DCSTAMP: variants seen among roughly 807,000 people sequenced by gnomAD.
DCSTAMP encodes dendritic cell-specific transmembrane protein.
Under a neutral mutation model 33.8 loss-of-function variants are expected in DCSTAMP, and 25 were observed. That is an observed-to-expected ratio of 0.74 (90% CI 0.54 to 1.03). DCSTAMP has a LOEUF of 1.03. Ranked by LOEUF, DCSTAMP falls within the 50% of genes least tolerant of loss-of-function variation. DCSTAMP has a pLI of 0.00. For synonymous variants in DCSTAMP, 245 were observed against 216.7 expected (o/e 1.13, Z -1.15); for missense variants, 531 against 556.8 (o/e 0.95, Z 0.47).
chr8:104,343,495 G>A (rs2099383314), intron 1 of DCSTAMP, among the ~76,000 whole-genome samples: 1 of 152,170 alleles, frequency 6.6e-6, no homozygotes, highest in African/African-American at 2.4e-5. Context: ...TGTGTCTTCT[G>A]CCAATTTATT....
chr8:104,354,217 G>A (rs1810548301), intron 2 of DCSTAMP, among the ~76,000 whole-genome samples: 1 of 152,144 alleles, frequency 6.6e-6, no homozygotes, highest in Non-Finnish European at 1.5e-5. Flanking sequence ...AATAATGTGG[G>A]CTAGAGGGCC....
At position 104,348,858 on chromosome 8, in the gene DCSTAMP, C is replaced by T. The variant is rs1183877425; in HGVS notation, c.306C>T (p.Gly102=). The T allele has an allele frequency of 1.2e-6, 2 of 1,614,174 alleles. No individual in the cohort carries two copies. The highest frequency in any genetic ancestry group is 1.7e-6 in the Non-Finnish European group (2 of 1,180,032). Reference sequence around the variant, plus strand: ...GCAGGAATGCTTTGATTGCAGCTGGCACAGGGATCGTCATCTTGGGACACG... The same window carrying T: ...GCAGGAATGCTTTGATTGCAGCTGGTACAGGGATCGTCATCTTGGGACACG... ...REGRNALIAA[G]TGIVILGHVE... The change falls in exon 2 of 4, where the codon GGC becomes GGT. Residue 102 remains glycine, a synonymous_variant. Coordinates refer to ENST00000297581, the MANE Select transcript of DCSTAMP (RefSeq NM_030788.4).
chr8:104,345,779 A>T (rs1810298959), intron 1 of DCSTAMP, among the ~76,000 whole-genome samples: 2 of 152,222 alleles, frequency 1.3e-5, no homozygotes, highest in Admixed American at 1.3e-4. Flanking sequence ...ATTAGAAAAA[A>T]GTTAAACAGC....
At chr8:104,348,414 G>A in intron 1 of DCSTAMP, 127 bp from the exon 2 acceptor site, 1 of 876,860 alleles carries the variant, frequency 1.1e-6, no homozygotes, top group Non-Finnish European at 1.7e-6. Context: ...TATTTCAAGG[G>A]AGAGGACACA....
chr8:104,342,268 G>A (rs2099383029), intron 1 of DCSTAMP, among the ~76,000 whole-genome samples: 1 of 152,186 alleles, frequency 6.6e-6, no homozygotes, highest in South Asian at 2.1e-4. Flanking sequence ...AAGCCAGCCA[G>A]AGAGGAGAGA....
In DCSTAMP at chr8:104,340,500, C is replaced by T. The variant is rs1043774274; in HGVS notation, c.-13+638C>T. 19 of 152,358 alleles carry T rather than the reference C, an allele frequency of 1.2e-4. No individual in the cohort carries two copies. In the East Asian group the frequency reaches 1.7e-3, roughly 14 times the overall value. The allele number at this position is 152,358 out of a possible 1,614,324, so 9.4% of individuals were successfully genotyped here. Reference sequence around the variant, plus strand: ...GAGAAAAAAGGAAAAGGAAAAGAAACCCTCCATTCTTCTTTTGTTCCACTC... The same window carrying T: ...GAGAAAAAAGGAAAAGGAAAAGAAATCCTCCATTCTTCTTTTGTTCCACTC... On this transcript the variant is annotated intron_variant, in intron 1 of 3. Coordinates refer to ENST00000297581, the MANE Select transcript of DCSTAMP (RefSeq NM_030788.4).
At chr8:104,347,275 T>A (rs2140471114) in intron 1 of DCSTAMP, among the ~76,000 whole-genome samples, 1 of 152,296 alleles carries the variant, frequency 6.6e-6, no homozygotes, top group South Asian at 2.1e-4. Flanking sequence ...TTTGTAAGAT[T>A]CTCAGGAGGA....
In DCSTAMP at chr8:104,355,166, T is replaced by C. The variant is rs769277225; in HGVS notation, c.1319T>C (p.Leu440Pro). The C allele has an allele frequency of 6.6e-5, 106 of 1,613,474 alleles. No individual in the cohort carries two copies. Among genetic ancestry groups the C allele is most frequent in the Non-Finnish European group, 8.9e-5 (105 of 1,179,866 alleles). The change falls in exon 3 of 4, where the codon CTG becomes CCG. Residue 440 changes from leucine (L) to proline (P), a missense_variant. Physicochemically the swap from Leu to Pro is moderately conservative, Grantham distance 98. Transcript: ENST00000297581. ...KQPLGEVKRR[L>P]SLYLTKIHFW... The stretch of plus-strand genomic sequence containing the variant: ...CCGCTGGGAGAAGTCAAAAGACGGC[T>C]GAGTCTCTATCTTACAAAGGTAAGG...
intron 3 of DCSTAMP, 36 bp from the exon 4 acceptor site, chr8:104,356,088 T>A: frequency 6.3e-7 from 1 of 1,588,942 alleles, no homozygotes; most frequent in Non-Finnish European, 8.6e-7. Flanking sequence ...TGACTCCAAC[T>A]CCAATGCCCA....
rs749267145 is a variant in DCSTAMP, at chr8:104,356,199, G to GA, written c.*2dup. ...CATGGCAAGTGCAGACAAGTCATGA[G>GA]AGACCCCGACTACTCCTCAGCCACA... On this transcript the variant is annotated 3_prime_UTR_variant, in exon 4 of 4. Coordinates refer to ENST00000297581, the MANE Select transcript of DCSTAMP (RefSeq NM_030788.4). 1.9e-6 allele frequency: 3 copies of GA among 1,611,356 alleles called. No homozygotes were observed. The African/African-American group carries it at 4.0e-5, about 22-fold the overall frequency.
intron 2 of DCSTAMP, among the ~76,000 whole-genome samples, chr8:104,352,196 A>G (rs763441886): frequency 6.6e-6 from 1 of 151,886 alleles, no homozygotes; most frequent in Non-Finnish European, 1.5e-5. Flanking sequence ...CTGCATTCAC[A>G]CTTTTCCTCC....
chr8:104,355,028 C>T lies in DCSTAMP; in HGVS notation c.1181C>T (p.Ser394Phe). 1 of 1,614,096 alleles carries T rather than the reference C, an allele frequency of 6.2e-7. No individual in the cohort carries two copies. The highest frequency in any genetic ancestry group is 8.5e-7 in the Non-Finnish European group (1 of 1,180,004). ...LLILVMLGLL[S>F]SILMQLKILV... ...ATATTAGTGATGCTGGGACTGTTGTCCTCTATCCTTATGCAACTTAAAATC... is the reference window on the plus strand; with the variant it reads ...ATATTAGTGATGCTGGGACTGTTGTTCTCTATCCTTATGCAACTTAAAATC... The change falls in exon 3 of 4, where the codon TCC becomes TTC. Residue 394 changes from serine to phenylalanine, a missense_variant. Transcript: ENST00000297581.
intron 3 of DCSTAMP, among the ~76,000 whole-genome samples, chr8:104,355,725 G>A (rs1406189459): frequency 6.6e-6 from 1 of 152,002 alleles, no homozygotes; most frequent in African/African-American, 2.4e-5. Context: ...TATTAATGAG[G>A]GAATGGTAAG....
chr8:104,348,263 C>T (rs147170952), intron 1 of DCSTAMP, among the ~76,000 whole-genome samples: 7 of 152,282 alleles, frequency 4.6e-5, no homozygotes, highest in South Asian at 4.1e-4. Flanking sequence ...GCACGTGGAG[C>T]GAGTCCCAGG....
At position 104,348,786 on chromosome 8, in the gene DCSTAMP, A is replaced by C; in HGVS notation, c.234A>C (p.Ala78=). 1 of 1,614,118 alleles carries C rather than the reference A, an allele frequency of 6.2e-7. No homozygotes were observed. The highest frequency in any genetic ancestry group is 1.3e-5 in the African/African-American group (1 of 75,016). ...TCVLLCCSKH[A]RCFILLVFLS... ...TTCTGCTGTGTTGCTCCAAGCATGC[A>C]CGATGTTTTATTCTTCTTGTCTTTC... is the stretch of plus-strand genomic sequence containing the variant. The change falls in exon 2 of 4, where the codon GCA becomes GCC. Residue 78 remains alanine, a synonymous_variant. Transcript: ENST00000297581.
chr8:104,350,060 T>C (rs1395840490), intron 2 of DCSTAMP, among the ~76,000 whole-genome samples: 2 of 152,206 alleles, frequency 1.3e-5, no homozygotes, highest in Non-Finnish European at 2.9e-5. Flanking sequence ...AAAGAATCTG[T>C]ATGACTGTAT....
At chr8:104,353,370 T>C (rs1049910121) in intron 2 of DCSTAMP, among the ~76,000 whole-genome samples, 1 of 152,234 alleles carries the variant, frequency 6.6e-6, no homozygotes. Context: ...AAGTGTTGAC[T>C]CAGCCGTTCT....
intron 1 of DCSTAMP, among the ~76,000 whole-genome samples, chr8:104,340,123 C>T (rs116162666): frequency 0.043 from 6,501 of 152,258 alleles, 199 homozygotes; most frequent in African/African-American, 0.09. Flanking sequence ...ATCCCCTCAG[C>T]TAATCCTCCT....
Position 104,348,893 on chromosome 8 carries a change from T to G in DCSTAMP, c.341T>G (p.Ile114Ser). 6.2e-7 allele frequency: 1 copy of G among 1,614,226 alleles called. No homozygotes were observed. Among genetic ancestry groups the G allele is most frequent in the Non-Finnish European group, 8.5e-7 (1 of 1,180,042 alleles). Reference sequence around the variant, plus strand: ...GTCATCTTGGGACACGTAGAAAATATTTTTCACAACTTTAAAGGTCTCCTA... The same window carrying G: ...GTCATCTTGGGACACGTAGAAAATAGTTTTCACAACTTTAAAGGTCTCCTA... ...GIVILGHVEN[I>S]FHNFKGLLDG... The change falls in exon 2 of 4, where the codon ATT becomes AGT. Residue 114 changes from isoleucine to serine, a missense_variant. Coordinates refer to ENST00000297581, the MANE Select transcript of DCSTAMP (RefSeq NM_030788.4).
Sources: allele counts gnomAD v4.1 joint callset (sites outside exome capture counted in the v4.1 genomes callset), GRCh38; gene constraint gnomAD v4.1.1; transcripts MANE v1.5; gene names NCBI Gene and HGNC (gene_info 2026-07-23, HGNC 2026-07-21).